Variants in FAT3 observed in about 807,000 individuals in gnomAD.
The protein encoded by FAT3 is protocadherin Fat 3.
Under a neutral mutation model 310.2 loss-of-function variants are expected in FAT3, and 95 were observed. That is an observed-to-expected ratio of 0.31 (90% CI 0.26 to 0.36). The LOEUF is 0.36. Among genes scored for constraint, FAT3 ranks in the 10% least tolerant of loss-of-function variants. The probability of loss-of-function intolerance (pLI) is 1.00; values close to 1 mark genes in which losing one functional copy is unlikely to be tolerated. For synonymous variants in FAT3, 2,314 were observed against 2,192.9 expected, an observed-to-expected ratio of 1.06 and a Z score of -1.54; for missense variants, 5,408 against 5,715.6, an observed-to-expected ratio of 0.95 and a Z score of 1.74.
In FAT3 at chr11:92,623,379, C is replaced by G. The variant is rs191028732; in HGVS notation, c.3608-74005C>G. Among the ~76,000 whole-genome samples the G allele has an allele frequency of 2.6e-5, 4 of 152,284 alleles. No individual in the cohort carries two copies. In the East Asian group the frequency reaches 7.7e-4, roughly 29 times the overall value. Reference sequence around the variant, plus strand: ...TAATATCTTAATGTTCAACACATAGCAGTACTCATACTATCTATATGCTAT... The same window carrying G: ...TAATATCTTAATGTTCAACACATAGGAGTACTCATACTATCTATATGCTAT... On this transcript the variant is annotated intron_variant, in intron 3 of 27. Coordinates refer to ENST00000525166, the MANE Select transcript of FAT3 (RefSeq NM_001367949.2).
intron 7 of FAT3, among the ~76,000 whole-genome samples, chr11:92,777,349 C>T (rs1946624579): frequency 6.6e-6 from 1 of 152,200 alleles, no homozygotes; most frequent in Admixed American, 6.5e-5. Flanking sequence ...CCCTCACCTT[C>T]AGTTTTGTCC....
intron 4 of FAT3, among the ~76,000 whole-genome samples, chr11:92,719,637 A>G (rs545042935): frequency 1.3e-4 from 20 of 152,120 alleles, no homozygotes; most frequent in African/African-American, 4.3e-4. Context: ...TTCAGTACAG[A>G]TGTTTTTTTC....
intron 3 of FAT3, among the ~76,000 whole-genome samples, chr11:92,583,642 T>TA (rs1310270225): frequency 1.3e-5 from 2 of 151,966 alleles, no homozygotes; most frequent in Admixed American, 6.6e-5. Context: ...TTTCCCGCTT[T>TA]ACCCAGCCCT....
chr11:92,837,673 A>G lies in FAT3; in HGVS notation c.10235A>G (p.Tyr3412Cys). The G allele has an allele frequency of 6.2e-7, 1 of 1,613,602 alleles. No individual in the cohort carries two copies. Among genetic ancestry groups the G allele is most frequent in the East Asian group, 2.2e-5 (1 of 44,844 alleles). ...KKLDRERVSG[Y>C]SLLVQAVDSG... Reference sequence around the variant, plus strand: ...TTTGTACCTTGGCAGGTGTCTGGATACTCTCTGCTTGTCCAGGCCGTAGAC... The same window carrying G: ...TTTGTACCTTGGCAGGTGTCTGGATGCTCTCTGCTTGTCCAGGCCGTAGAC... Residue 3412 changes from tyrosine (Y) to cysteine (C), a missense_variant, in exon 17 of 28, where the codon TAC (tyrosine) becomes TGC (cysteine). Physicochemically the swap from Tyr to Cys is radical, Grantham distance 194. Coordinates refer to ENST00000525166, the MANE Select transcript of FAT3 (RefSeq NM_001367949.2).
chr11:92,891,291 A>C lies in FAT3; in HGVS notation c.*178A>C. On this transcript the variant is annotated 3_prime_UTR_variant, in exon 28 of 28. Coordinates refer to ENST00000525166, the MANE Select transcript of FAT3 (RefSeq NM_001367949.2). Reference sequence around the variant, plus strand: ...AAGCAAGCTTGATTCCAGTTGGGTGAAAATGAAAGGCTCAGAAATTGTTTT... The same window carrying C: ...AAGCAAGCTTGATTCCAGTTGGGTGCAAATGAAAGGCTCAGAAATTGTTTT... The C allele has an allele frequency of 1.1e-6, 1 of 870,172 alleles. No individual in the cohort carries two copies. The highest frequency in any genetic ancestry group is 1.7e-6 in the Non-Finnish European group (1 of 584,734). The allele number at this position is 870,172 out of a possible 1,614,324, so 53.9% of individuals were successfully genotyped here. A position where few individuals can be genotyped will look rare whatever the true frequency, so the allele number is the denominator to read the frequency against.
intron 2 of FAT3, among the ~76,000 whole-genome samples, chr11:92,416,071 T>TAAAA (rs398017104): frequency 4.1e-5 from 3 of 73,888 alleles, no homozygotes; most frequent in Non-Finnish European, 7.7e-5. Flanking sequence ...CCTGGAAGCC[T>TAAAA]AAAAAAAAAA....
At chr11:92,250,193 C>T (rs988993750) in intron 1 of FAT3, among the ~76,000 whole-genome samples, 10 of 151,996 alleles carry the variant, frequency 6.6e-5, no homozygotes, top group African/African-American at 2.4e-4. Flanking sequence ...ATAAATTCTG[C>T]AAGGATATTT....
At chr11:92,496,491 C>T (rs1366342561) in intron 2 of FAT3, among the ~76,000 whole-genome samples, 6 of 152,092 alleles carry the variant, frequency 3.9e-5, no homozygotes, top group African/African-American at 1.2e-4. Context: ...TTCCTTCCTC[C>T]GTGGGACATT....
chr11:92,336,626 T>C (rs1359059426), intron 1 of FAT3: 2 of 155,354 alleles, frequency 1.3e-5, no homozygotes, highest in Non-Finnish European at 2.8e-5. Flanking sequence ...ATCTGCTTCA[T>C]GTTTACTTAG....
chr11:92,491,745 C>A (rs1357509719), intron 2 of FAT3, among the ~76,000 whole-genome samples: 1 of 152,062 alleles, frequency 6.6e-6, no homozygotes, highest in Non-Finnish European at 1.5e-5. Context: ...GAGGATAATT[C>A]TTTCTGCTAG....
chr11:92,250,069 GTTA>G (rs1300362818), intron 1 of FAT3, among the ~76,000 whole-genome samples: 1 of 152,000 alleles, frequency 6.6e-6, no homozygotes, highest in Non-Finnish European at 1.5e-5. Flanking sequence ...AAGTCTTATT[GTTA>G]TTATTTTTAT....
In FAT3 at chr11:92,354,405, A is replaced by G. The variant is rs1482170299; in HGVS notation, c.2293A>G (p.Ile765Val). 21 of 1,613,924 alleles carry G rather than the reference A, an allele frequency of 1.3e-5. No homozygotes were observed. The highest frequency in any genetic ancestry group is 1.8e-5 in the Non-Finnish European group (21 of 1,179,852). Reference protein sequence around the residue: ...SGFNGKVLFTISDGNTDSCFN... With the variant: ...SGFNGKVLFTVSDGNTDSCFN... The stretch of plus-strand genomic sequence containing the variant: ...CTTCAATGGAAAAGTGCTATTTACA[A>G]TATCAGATGGAAATACGGATAGTTG... The change falls in exon 2 of 28, where the codon ATA becomes GTA. Residue 765 changes from isoleucine (I) to valine (V), a missense_variant. Transcript: ENST00000525166.
intron 2 of FAT3, among the ~76,000 whole-genome samples, chr11:92,398,304 C>T (rs1289964463): frequency 6.6e-6 from 1 of 151,902 alleles, no homozygotes; most frequent in Non-Finnish European, 1.5e-5. Flanking sequence ...AGTTCAAGAC[C>T]AGCCTGGCCA....
intron 4 of FAT3, among the ~76,000 whole-genome samples, chr11:92,758,572 T>C (rs181067989): frequency 6.6e-6 from 1 of 152,348 alleles, no homozygotes; most frequent in East Asian, 1.9e-4. Flanking sequence ...CAAAGCCAGA[T>C]GCAGAGAGAA....
At chr11:92,482,742 C>G (rs1028036204) in intron 2 of FAT3, among the ~76,000 whole-genome samples, 1 of 152,202 alleles carries the variant, frequency 6.6e-6, no homozygotes, top group Non-Finnish European at 1.5e-5. Context: ...CAGCCAGTCT[C>G]TCTCTCTCTT....
At chr11:92,698,605 T>C (rs532777092) in intron 4 of FAT3, among the ~76,000 whole-genome samples, 6 of 152,128 alleles carry the variant, frequency 3.9e-5, no homozygotes, top group Non-Finnish European at 7.4e-5. Flanking sequence ...TTATTATTAT[T>C]ATCATCATCA....
intron 4 of FAT3, among the ~76,000 whole-genome samples, chr11:92,743,384 A>G (rs560415913): frequency 2.4e-4 from 36 of 152,356 alleles, no homozygotes; most frequent in Admixed American, 6.5e-5. Context: ...GGGTGAGGCA[A>G]TATTGGAGTC....
In FAT3 at chr11:92,701,291, G is replaced by A. The variant is rs188018194; in HGVS notation, c.3669+3846G>A. On this transcript the variant is annotated intron_variant, in intron 4 of 27. Transcript: ENST00000525166. ...TAGTTTGCTATCCCCATGGTAGAAA[G>A]CACTTTAGTTGTATACTGCTGACAC... Among the ~76,000 whole-genome samples, 292 of 152,306 alleles carry A rather than the reference G, an allele frequency of 1.9e-3. 2 individuals are homozygous for A. Among genetic ancestry groups the A allele is most frequent in the Middle Eastern group, 0.017 (5 of 294 alleles).
At chr11:92,529,848 A>C (rs562120487) in intron 3 of FAT3, among the ~76,000 whole-genome samples, 131 of 152,258 alleles carry the variant, frequency 8.6e-4, no homozygotes, top group South Asian at 2.9e-3. Context: ...CTTGTATTTG[A>C]GTAGAGGTGA....
Sources: gnomAD v4.1 joint callset for allele counts (sites outside exome capture counted in the v4.1 genomes callset) on GRCh38, gnomAD v4.1.1 for gene constraint, MANE v1.5 for transcripts, NCBI Gene and HGNC (gene_info 2026-07-23, HGNC 2026-07-21) for gene names.